MACROD2: variants seen among roughly 807,000 people sequenced by gnomAD.
MACROD2 encodes mono-ADP ribosylhydrolase 2.
Under a neutral mutation model 70.4 loss-of-function variants are expected in MACROD2, and 36 were observed. That is an observed-to-expected ratio of 0.51 (90% CI 0.39 to 0.68). The LOEUF (loss-of-function observed/expected upper bound fraction) is 0.68. MACROD2 is among the 30% of genes least tolerant of loss of function. The pLI is 0.00. For synonymous variants in MACROD2, 172 were observed against 178.8 expected, an observed-to-expected ratio of 0.96 and a Z score of 0.30; for missense variants, 496 against 538.4, an observed-to-expected ratio of 0.92 and a Z score of 0.78.
intron 4 of MACROD2, among the ~76,000 whole-genome samples, chr20:14,645,510 T>C (rs1985339880): frequency 6.6e-6 from 1 of 152,068 alleles, no homozygotes; most frequent in Admixed American, 6.6e-5. Flanking sequence ...ATTTTGATTG[T>C]GGTGTGCTTA....
intron 5 of MACROD2, among the ~76,000 whole-genome samples, chr20:14,751,116 G>A (rs1039116488): frequency 3.3e-5 from 5 of 152,106 alleles, no homozygotes; most frequent in African/African-American, 1.2e-4. Flanking sequence ...GTGGAAATAA[G>A]CACAATGTGA....
chr20:14,884,957 G>C (rs1249060233), intron 5 of MACROD2, among the ~76,000 whole-genome samples: 1 of 152,180 alleles, frequency 6.6e-6, no homozygotes, highest in East Asian at 1.9e-4. Flanking sequence ...CCTATGACCT[G>C]AAAGCACTGA....
intron 5 of MACROD2, among the ~76,000 whole-genome samples, chr20:14,819,691 G>T (rs751377401): frequency 6.6e-6 from 1 of 152,094 alleles, no homozygotes; most frequent in African/African-American, 2.4e-5. Context: ...TCTGCAGGAA[G>T]TAAATTTTAA....
At chr20:14,655,928 A>G (rs1171487823) in intron 4 of MACROD2, among the ~76,000 whole-genome samples, 2 of 152,148 alleles carry the variant, frequency 1.3e-5, no homozygotes, top group Non-Finnish European at 2.9e-5. Flanking sequence ...TTGTCACCAT[A>G]GCTTATTATA....
intron 6 of MACROD2, among the ~76,000 whole-genome samples, chr20:15,418,840 C>T (rs184591948): frequency 6.6e-6 from 1 of 152,222 alleles, no homozygotes; most frequent in Non-Finnish European, 1.5e-5. Flanking sequence ...CTCAGGGGGG[C>T]CTTTCTTCCT....
chr20:14,772,496 T>A (rs934428837), intron 5 of MACROD2, among the ~76,000 whole-genome samples: 3 of 152,004 alleles, frequency 2.0e-5, no homozygotes, highest in African/African-American at 4.8e-5. Context: ...AGAGAGCTTG[T>A]GCAGGGAAAC....
chr20:15,936,291 A>ATG (rs980588536), intron 11 of MACROD2, among the ~76,000 whole-genome samples: 3 of 148,724 alleles, frequency 2.0e-5, no homozygotes, highest in South Asian at 4.2e-4. Flanking sequence ...CACATATGTA[A>ATG]TGTGTGTGTG....
chr20:15,111,829 A>T (rs938099293), intron 5 of MACROD2, among the ~76,000 whole-genome samples: 1 of 152,198 alleles, frequency 6.6e-6, no homozygotes, highest in African/African-American at 2.4e-5. Context: ...GAAACCCCTA[A>T]CTGGGAGGTG....
intron 8 of MACROD2, among the ~76,000 whole-genome samples, chr20:15,851,214 G>A (rs527995865): frequency 2.9e-4 from 44 of 151,882 alleles, no homozygotes; most frequent in African/African-American, 9.7e-4. Context: ...GTGAGAAGCA[G>A]GGTTGGGAGA....
chr20:14,416,002 A>ACCCAG (rs1568601947), intron 3 of MACROD2, among the ~76,000 whole-genome samples: 1 of 149,232 alleles, frequency 6.7e-6, no homozygotes, highest in Non-Finnish European at 1.5e-5. Flanking sequence ...CTCTGTTGCC[A>ACCCAG]GACTGGAGTG....
At chr20:15,699,032 C>T (rs2050416865) in intron 8 of MACROD2, among the ~76,000 whole-genome samples, 1 of 152,120 alleles carries the variant, frequency 6.6e-6, no homozygotes, top group Middle Eastern at 3.2e-3. Flanking sequence ...TTTCTCTGGT[C>T]CCTCCCTGAT....
At chr20:16,022,242 G>A (rs2067013218) in intron 15 of MACROD2, among the ~76,000 whole-genome samples, 1 of 152,080 alleles carries the variant, frequency 6.6e-6, no homozygotes, top group African/African-American at 2.4e-5. Context: ...TAGTAGAGAC[G>A]GGGTTTCACC....
At chr20:14,059,079 G>A (rs1443667148) in intron 2 of MACROD2, among the ~76,000 whole-genome samples, 2 of 151,988 alleles carry the variant, frequency 1.3e-5, no homozygotes, top group African/African-American at 4.8e-5. Flanking sequence ...CTATTTCTAT[G>A]TTTTTCAAAT....
chr20:14,751,723 G>A (rs2123737123), intron 5 of MACROD2, among the ~76,000 whole-genome samples: 1 of 152,246 alleles, frequency 6.6e-6, no homozygotes, highest in Non-Finnish European at 1.5e-5. Context: ...AAGTGGAAAT[G>A]CTCAGATCCT....
Position 14,979,137 on chromosome 20 carries a change from T to G in MACROD2, c.419-250803T>G, listed in dbSNP as rs1017201187. Among the ~76,000 whole-genome samples the G allele has an allele frequency of 1.4e-4, 21 of 150,968 alleles. No homozygotes were observed. In the East Asian group the frequency reaches 3.5e-3, roughly 25 times the overall value. On this transcript the variant is annotated intron_variant, in intron 5 of 17. Transcript: ENST00000684519. ...CAGCTAATTTTTTTTTTTTTTAATT[T>G]TTTGTAGAGACAGGGTCTCACTGTG...
At chr20:14,456,324 T>C (rs1353865313) in intron 3 of MACROD2, among the ~76,000 whole-genome samples, 1 of 151,820 alleles carries the variant, frequency 6.6e-6, no homozygotes, top group Non-Finnish European at 1.5e-5. Flanking sequence ...TGCCTTAATA[T>C]GGCATAGCAC....
chr20:15,699,993 T>C (rs2050433524), intron 8 of MACROD2, among the ~76,000 whole-genome samples: 1 of 152,124 alleles, frequency 6.6e-6, no homozygotes, highest in Non-Finnish European at 1.5e-5. Flanking sequence ...CAGCTCCAGG[T>C]AAAGTCAGAA....
intron 8 of MACROD2, among the ~76,000 whole-genome samples, chr20:15,699,382 G>A (rs1220608001): frequency 1.3e-5 from 2 of 152,134 alleles, no homozygotes; most frequent in Non-Finnish European, 2.9e-5. Context: ...ACCTGGCTCC[G>A]GGCTGGTACT....
At chr20:15,684,208 C>G (rs571296318) in intron 8 of MACROD2, among the ~76,000 whole-genome samples, 120 of 152,276 alleles carry the variant, frequency 7.9e-4, no homozygotes, top group African/African-American at 2.7e-3. Flanking sequence ...TCTTCCTATA[C>G]AGAGGCTTTG....
Sources: allele counts gnomAD v4.1 joint callset (sites outside exome capture counted in the v4.1 genomes callset), GRCh38; gene constraint gnomAD v4.1.1; transcripts MANE v1.5; gene names NCBI Gene and HGNC (gene_info 2026-07-23, HGNC 2026-07-21).